The following TNR variants were observed in gnomAD, a reference collection of about 807,000 sequenced individuals.
TNR encodes the protein tenascin-R.
A neutral mutation model predicts 150.4 loss-of-function variants in TNR; 45 were observed. That is an observed-to-expected ratio of 0.30 (90% confidence interval 0.24 to 0.38). The LOEUF (loss-of-function observed/expected upper bound fraction) is 0.38. Ranked by LOEUF, TNR falls within the 10% of genes least tolerant of loss-of-function variation. The probability of loss-of-function intolerance (pLI) is 1.00; values close to 1 mark genes in which losing one functional copy is unlikely to be tolerated. For missense variants in TNR, 1,544 were observed against 1,759.1 expected (o/e 0.88, Z 2.19); for synonymous variants, 687 against 678.4 (o/e 1.01, Z -0.20).
At chr1:175,334,376 T>C (rs1450387855) in intron 20 of TNR, among the ~76,000 whole-genome samples, 3 of 152,184 alleles carry the variant, frequency 2.0e-5, no homozygotes, top group Non-Finnish European at 4.4e-5. Context: ...TGAAACTACC[T>C]TTGCAAGACT....
At chr1:175,508,505 C>T (rs1404890390) in intron 2 of TNR, among the ~76,000 whole-genome samples, 1 of 152,188 alleles carries the variant, frequency 6.6e-6, no homozygotes, top group African/African-American at 2.4e-5. Flanking sequence ...GACCAGGTCA[C>T]TTTTAAGACT....
rs531733667 is a variant in TNR, at chr1:175,362,729, C to T, written c.2788G>A (p.Glu930Lys). 2.9e-5 allele frequency: 47 copies of T among 1,614,008 alleles called. No individual in the cohort carries two copies. Among genetic ancestry groups the T allele is most frequent in the East Asian group, 2.0e-4 (9 of 44,886 alleles). ...CCCCGCACGCTGTTGAGGCTGATTT[C>T]GTATTCGGTAGCTGGGTTCAGTCTG... is the stretch of plus-strand genomic sequence containing the variant. ...ITRLNPATEYEISLNSVRGRE... is the reference protein window; with the variant it reads ...ITRLNPATEYKISLNSVRGRE... Residue 930 changes from glutamate to lysine, a missense_variant, in exon 14 of 23, where the codon GAA becomes AAA. By Grantham distance (56) the Glu-to-Lys change is moderately conservative. Transcript: ENST00000367674.
At chr1:175,379,883 T>C (rs1652593290) in intron 8 of TNR, 146 bp from the exon 9 acceptor site, 3 of 934,416 alleles carry the variant, frequency 3.2e-6, no homozygotes, top group Admixed American at 5.2e-5. Flanking sequence ...TGGCTACCCT[T>C]AGCTTTTTGG....
chr1:175,729,654 C>A (rs1474803972), intron 1 of TNR, among the ~76,000 whole-genome samples: 1 of 152,140 alleles, frequency 6.6e-6, no homozygotes, highest in Non-Finnish European at 1.5e-5. Flanking sequence ...ATCTCTCATT[C>A]TCACTAAACA....
intron 1 of TNR, among the ~76,000 whole-genome samples, chr1:175,593,590 C>G (rs1019528889): frequency 6.6e-6 from 1 of 152,162 alleles, no homozygotes; most frequent in African/African-American, 2.4e-5. Context: ...GTTTGATAGG[C>G]TCTCGATTCC....
chr1:175,596,599 A>G (rs1445683467), intron 1 of TNR, among the ~76,000 whole-genome samples: 1 of 152,100 alleles, frequency 6.6e-6, no homozygotes, highest in African/African-American at 2.4e-5. Flanking sequence ...CCAGTGTGGG[A>G]AAAAAAATCA....
chr1:175,474,841 C>T (rs988034329), intron 2 of TNR, among the ~76,000 whole-genome samples: 1 of 152,232 alleles, frequency 6.6e-6, no homozygotes, highest in East Asian at 1.9e-4. Context: ...AATTGAAAGA[C>T]AGCATAGCCT....
intron 1 of TNR, among the ~76,000 whole-genome samples, chr1:175,596,551 G>T (rs1663014960): frequency 1.3e-5 from 2 of 152,194 alleles, no homozygotes. Context: ...TTCTAAACTG[G>T]AAGGATGGAT....
intron 1 of TNR, among the ~76,000 whole-genome samples, chr1:175,616,687 T>C (rs1663787877): frequency 6.6e-6 from 1 of 152,144 alleles, no homozygotes; most frequent in Admixed American, 6.5e-5. Flanking sequence ...CATGTAGATA[T>C]TTCAGGAAGC....
At chr1:175,579,734 G>A (rs755758783) in intron 1 of TNR, among the ~76,000 whole-genome samples, 2 of 151,578 alleles carry the variant, frequency 1.3e-5, no homozygotes, top group African/African-American at 4.9e-5. Flanking sequence ...CCAGGGCAGG[G>A]GTTCCGTCCT....
chr1:175,351,735 T>C (rs113999679), intron 18 of TNR, among the ~76,000 whole-genome samples: 1,769 of 152,330 alleles, frequency 0.012, 33 homozygotes, highest in African/African-American at 0.041. Context: ...ATGAGTGACT[T>C]ACATTTAAAT....
At chr1:175,641,676 A>G (rs781364572) in intron 1 of TNR, among the ~76,000 whole-genome samples, 46 of 152,162 alleles carry the variant, frequency 3.0e-4, no homozygotes, top group African/African-American at 9.7e-5. Flanking sequence ...CACTGGAATA[A>G]AAAAGTACTT....
chr1:175,436,034 T>G (rs1456818100), intron 2 of TNR, among the ~76,000 whole-genome samples: 1 of 152,258 alleles, frequency 6.6e-6, no homozygotes, highest in Non-Finnish European at 1.5e-5. Flanking sequence ...CTTCCCTTTG[T>G]GGGTAACCTG....
At chr1:175,627,546 T>C (rs1463428743) in intron 1 of TNR, among the ~76,000 whole-genome samples, 1 of 152,220 alleles carries the variant, frequency 6.6e-6, no homozygotes, top group Non-Finnish European at 1.5e-5. Flanking sequence ...ATTTCTCATC[T>C]GGTAAAAATG....
chr1:175,392,077 G>A (rs1470706885), intron 6 of TNR, among the ~76,000 whole-genome samples: 1 of 152,194 alleles, frequency 6.6e-6, no homozygotes, highest in Non-Finnish European at 1.5e-5. Flanking sequence ...AAGGAAAAAG[G>A]AAGCTTGGAA....
In TNR at chr1:175,527,960, G is replaced by C. The variant is rs550231584; in HGVS notation, c.-64+309C>G. On this transcript the variant is annotated intron_variant, in intron 2 of 22. Transcript: ENST00000367674. ...CCCAGTGCAGGCACAGGCAGGCTGG[G>C]AGTCAAGTCTAGCTTCTTGGAGGGA... 2.6e-5 allele frequency among the ~76,000 whole-genome samples: 4 copies of C among 152,322 alleles called. No individual in the cohort carries two copies. The East Asian group carries it at 7.7e-4, about 29-fold the overall frequency.
intron 1 of TNR, among the ~76,000 whole-genome samples, chr1:175,673,615 T>TGA (rs1202611591): frequency 6.6e-6 from 1 of 152,242 alleles, no homozygotes; most frequent in Non-Finnish European, 1.5e-5. Context: ...TGCTGCTAGC[T>TGA]GAGGATGTGC....
intron 1 of TNR, among the ~76,000 whole-genome samples, chr1:175,715,210 G>T (rs12040338): frequency 0.05 from 7,656 of 152,252 alleles, 303 homozygotes; most frequent in East Asian, 0.22. Context: ...CTTTGCTAGG[G>T]CTGGAAGGGA....
intron 2 of TNR, among the ~76,000 whole-genome samples, chr1:175,513,746 G>A (rs568173245): frequency 4.7e-4 from 72 of 152,266 alleles, no homozygotes; most frequent in African/African-American, 1.5e-3. Flanking sequence ...TCCTTATTAC[G>A]TGTTTCCAGA....
Sources: gnomAD v4.1 joint callset for allele counts (sites outside exome capture counted in the v4.1 genomes callset) on GRCh38, gnomAD v4.1.1 for gene constraint, MANE v1.5 for transcripts, NCBI Gene and HGNC (gene_info 2026-07-23, HGNC 2026-07-21) for gene names.